Variants in EXT1 observed in about 807,000 individuals in gnomAD.
EXT1 encodes exostosin glycosyltransferase 1.
In EXT1, 20 loss-of-function variants were observed where a neutral mutation model predicts 82.5. The ratio of observed to expected loss-of-function variants is 0.24; its 90% CI spans 0.17 to 0.35. The LOEUF (loss-of-function observed/expected upper bound fraction) is 0.35, where lower values mean the gene tolerates loss of function less well. Among genes scored for constraint, EXT1 ranks in the 10% least tolerant of loss-of-function variants. EXT1 has a pLI of 1.00. For missense variants in EXT1, 757 were observed against 936.5 expected, an observed-to-expected ratio of 0.81 and a Z score of 2.50; for synonymous variants, 348 against 350.8, an observed-to-expected ratio of 0.99 and a Z score of 0.09.
At chr8:117,869,079 A>G (rs1586252949) in intron 1 of EXT1, among the ~76,000 whole-genome samples, 2 of 152,016 alleles carry the variant, frequency 1.3e-5, no homozygotes, top group Non-Finnish European at 2.9e-5. Context: ...GGCGGGCTGG[A>G]CTTCCCGCCA....
chr8:117,989,466 C>A (rs2129784629), intron 1 of EXT1, among the ~76,000 whole-genome samples: 1 of 152,286 alleles, frequency 6.6e-6, no homozygotes, highest in Non-Finnish European at 1.5e-5. Flanking sequence ...CAGTTCATTC[C>A]TGTGGCCCCA....
chr8:117,906,812 T>C (rs920104145), intron 1 of EXT1, among the ~76,000 whole-genome samples: 2 of 152,216 alleles, frequency 1.3e-5, no homozygotes, highest in Non-Finnish European at 2.9e-5. Flanking sequence ...GATGGTGGCA[T>C]GAGCAGGTGT....
In EXT1 at chr8:117,984,449, CA is replaced by C. The variant is rs368857333; in HGVS notation, c.962+125635del. Among the ~76,000 whole-genome samples the C allele has an allele frequency of 4.5e-3, 583 of 130,914 alleles. 6 individuals carry two copies. Among genetic ancestry groups the C allele is most frequent in the African/African-American group, 0.013 (467 of 36,360 alleles). 85.9% of individuals were successfully genotyped at this position (130,914 alleles called of 152,430 possible). ...GTCTCAAAAACAAAACAAAACAAAA[CA>C]AAAAAAAAAAACAAAGAAAAGAAAA... On this transcript the variant is annotated intron_variant, in intron 1 of 10. Coordinates refer to ENST00000378204, the MANE Select transcript of EXT1 (RefSeq NM_000127.3).
chr8:117,961,479 C>T (rs1484544722), intron 1 of EXT1, among the ~76,000 whole-genome samples: 2 of 152,158 alleles, frequency 1.3e-5, no homozygotes, highest in Admixed American at 6.5e-5. Flanking sequence ...GTAAGCAAAA[C>T]CAGCACCTAG....
chr8:118,001,602 G>T (rs921631170), intron 1 of EXT1, among the ~76,000 whole-genome samples: 5 of 151,942 alleles, frequency 3.3e-5, no homozygotes, highest in African/African-American at 1.2e-4. Context: ...AAAATAAGAA[G>T]AATAAGATTA....
chr8:117,903,787 G>T (rs917806817), intron 1 of EXT1, among the ~76,000 whole-genome samples: 1 of 152,138 alleles, frequency 6.6e-6, no homozygotes, highest in Non-Finnish European at 1.5e-5. Context: ...ACATGTTAGT[G>T]TTACTGGGTT....
At chr8:117,951,068 G>A (rs1030977363) in intron 1 of EXT1, among the ~76,000 whole-genome samples, 5 of 152,248 alleles carry the variant, frequency 3.3e-5, no homozygotes, top group African/African-American at 4.8e-5. Context: ...AAACCTAATT[G>A]TATTTGAGAT....
intron 1 of EXT1, among the ~76,000 whole-genome samples, chr8:117,961,341 T>C (rs1215621702): frequency 6.6e-6 from 1 of 152,204 alleles, no homozygotes; most frequent in Non-Finnish European, 1.5e-5. Flanking sequence ...GAAGCAGATA[T>C]GAGGAAGAAG....
At chr8:118,021,241 T>G (rs1180512164) in intron 1 of EXT1, among the ~76,000 whole-genome samples, 1 of 152,224 alleles carries the variant, frequency 6.6e-6, no homozygotes. Flanking sequence ...TGGCAGACAG[T>G]TGATCATGTA....
rs149984089 is a variant in EXT1 at position 117,947,258 on chromosome 8, G to C, written c.963-110057C>G. On this transcript the variant is annotated intron_variant, in intron 1 of 10. Coordinates refer to ENST00000378204, the MANE Select transcript of EXT1 (RefSeq NM_000127.3). ...CTATGGCCAAACGATTTAGCAGTTT[G>C]TTCAGAGCTCAAACACATAAATTAT... is the stretch of plus-strand genomic sequence containing the variant. Among the ~76,000 whole-genome samples the C allele has an allele frequency of 1.3e-3, 204 of 152,294 alleles. 1 individual carries two copies. The highest frequency in any genetic ancestry group is 4.6e-3 in the African/African-American group (192 of 41,548).
At chr8:117,905,773 C>G (rs1360469657) in intron 1 of EXT1, among the ~76,000 whole-genome samples, 1 of 152,232 alleles carries the variant, frequency 6.6e-6, no homozygotes, top group Non-Finnish European at 1.5e-5. Flanking sequence ...GATCGCGCCA[C>G]TGCAGTCCAA....
At chr8:117,809,219 A>G (rs907611193) in intron 8 of EXT1, among the ~76,000 whole-genome samples, 1 of 23,894 alleles carries the variant, frequency 4.2e-5, no homozygotes, top group African/African-American at 1.5e-4. Context: ...GTGTGTATAA[A>G]TATATATATA....
At chr8:117,979,858 G>C (rs1225125099) in intron 1 of EXT1, among the ~76,000 whole-genome samples, 3 of 152,182 alleles carry the variant, frequency 2.0e-5, no homozygotes, top group Non-Finnish European at 4.4e-5. Context: ...AGAAAAGCTA[G>C]AAAATAAATT....
intron 1 of EXT1, among the ~76,000 whole-genome samples, chr8:118,021,523 C>A (rs557679256): frequency 9.9e-5 from 15 of 152,206 alleles, no homozygotes; most frequent in African/African-American, 1.4e-4. Flanking sequence ...ATGAACACTT[C>A]TGGAAGACGG....
intron 1 of EXT1, among the ~76,000 whole-genome samples, chr8:117,898,380 CTT>C (rs1813381963): frequency 1.3e-5 from 2 of 152,164 alleles, no homozygotes; most frequent in South Asian, 4.1e-4. Context: ...GATGTTCACT[CTT>C]TTTTCTAGTT....
chr8:118,007,340 C>G (rs28357299), intron 1 of EXT1, among the ~76,000 whole-genome samples: 1 of 152,058 alleles, frequency 6.6e-6, no homozygotes, highest in South Asian at 2.1e-4. Context: ...AGAGAACATG[C>G]CTACAGACAG....
rs146045007 is a variant in EXT1, at chr8:117,854,449, C to A, written c.963-17248G>T. Among the ~76,000 whole-genome samples, 120 of 151,584 alleles carry A rather than the reference C, an allele frequency of 7.9e-4. 1 individual carries two copies. The highest frequency in any genetic ancestry group is 2.8e-3 in the African/African-American group (115 of 41,404). On this transcript the variant is annotated intron_variant, in intron 1 of 10. Transcript: ENST00000378204. ...TGGAGAGGGCAGTAGGGGGAGAAAA[C>A]ACACACACACACATACACACACACA... is the stretch of plus-strand genomic sequence containing the variant.
At position 117,822,705 on chromosome 8, in the gene EXT1, TAC is replaced by T. The variant is rs551460490; in HGVS notation, c.1285-110_1285-109del. 612 of 1,192,512 alleles carry T rather than the reference TAC, an allele frequency of 5.1e-4. 4 individuals carry two copies. The African/African-American group carries it at 6.6e-3, about 13-fold the overall frequency. 73.9% of individuals were successfully genotyped at this position (1,192,512 alleles called of 1,614,324 possible). ...ATGGTGGCAGTCAGAGTAGTGACTC[TAC>T]CCTCCCTCCCACTTTAATTCTCCGG... On this transcript the variant is annotated intron_variant, in intron 4 of 10. Transcript: ENST00000378204.
chr8:117,801,503 C>T (rs186619755), intron 10 of EXT1, among the ~76,000 whole-genome samples: 1 of 151,824 alleles, frequency 6.6e-6, no homozygotes, highest in East Asian at 1.9e-4. Context: ...GTTTGTGGGC[C>T]ATTTTTTTTT....
Sources: allele counts gnomAD v4.1 joint callset (sites outside exome capture counted in the v4.1 genomes callset), GRCh38; gene constraint gnomAD v4.1.1; transcripts MANE v1.5; gene names NCBI Gene and HGNC (gene_info 2026-07-23, HGNC 2026-07-21).